RBFOX1: variants seen among roughly 807,000 people sequenced by gnomAD.
RBFOX1 encodes RNA binding fox-1 homolog 1, also known as RNA binding protein fox-1 homolog 1.
Under a neutral mutation model 57.7 loss-of-function variants are expected in RBFOX1, and 8 were observed. That is an observed-to-expected ratio of 0.14 (90% CI 0.08 to 0.25). RBFOX1 has a LOEUF of 0.25. RBFOX1 is among the 10% of genes least tolerant of loss of function. The pLI is 1.00. For synonymous variants in RBFOX1, 326 were observed against 222.4 expected (o/e 1.47, Z -4.15); for missense variants, 611 against 548.5 (o/e 1.11, Z -1.14).
chr16:6,842,273 T>A (rs190301092), intron 3 of RBFOX1, among the ~76,000 whole-genome samples: 3 of 152,154 alleles, frequency 2.0e-5, no homozygotes, highest in African/African-American at 7.2e-5. Context: ...TATATTTTTC[T>A]GTAAGGAAAT....
rs1178207549 is a variant in RBFOX1 at position 6,717,167 on chromosome 16, C to G, written c.-16+62517C>G. 3.9e-5 allele frequency among the ~76,000 whole-genome samples: 6 copies of G among 151,974 alleles called. 1 individual carries two copies. The South Asian group carries it at 1.0e-3, about 26-fold the overall frequency. ...TAAATGTGTGTTTAAGATGCACGGT[C>G]TATGGTATTGTGTTACAGCAACTCG... On this transcript the variant is annotated intron_variant, in intron 3 of 15. Coordinates refer to ENST00000550418, the MANE Select transcript of RBFOX1 (RefSeq NM_018723.4).
At chr16:6,711,452 C>T (rs571230194) in intron 3 of RBFOX1, among the ~76,000 whole-genome samples, 55 of 152,266 alleles carry the variant, frequency 3.6e-4, no homozygotes, top group East Asian at 3.9e-4. Context: ...GTAATCCCCA[C>T]GTGTCAAGGG....
intron 3 of RBFOX1, among the ~76,000 whole-genome samples, chr16:7,040,716 A>T (rs2045876180): frequency 6.6e-6 from 1 of 152,030 alleles, no homozygotes; most frequent in Non-Finnish European, 1.5e-5. Flanking sequence ...ACACAAATGG[A>T]TTATAGGTTA....
At chr16:5,438,592 C>T (rs940597718) in intron 1 of RBFOX1, among the ~76,000 whole-genome samples, 13 of 152,152 alleles carry the variant, frequency 8.5e-5, no homozygotes, top group Non-Finnish European at 1.5e-4. Context: ...GTTGCAGCCC[C>T]CTACTTGATT....
intron 3 of RBFOX1, among the ~76,000 whole-genome samples, chr16:5,717,466 C>T (rs571839802): frequency 2.0e-5 from 3 of 152,272 alleles, no homozygotes; most frequent in African/African-American, 7.2e-5. Context: ...AAGCAGTGTG[C>T]ACTGTATCCA....
rs149946369 is a variant in RBFOX1 at position 7,026,928 on chromosome 16, C to T, written c.-15-25129C>T. Reference sequence around the variant, plus strand: ...CGTAGGGTAATACCGGAGCTGGCGGCCTCCCAGGAAGGCTGCAAAGTGCTT... The same window carrying T: ...CGTAGGGTAATACCGGAGCTGGCGGTCTCCCAGGAAGGCTGCAAAGTGCTT... On this transcript the variant is annotated intron_variant, in intron 3 of 15. Transcript: ENST00000550418. 5.9e-3 allele frequency among the ~76,000 whole-genome samples: 900 copies of T among 152,258 alleles called. 11 individuals carry two copies. Among genetic ancestry groups the T allele is most frequent in the African/African-American group, 0.021 (860 of 41,556 alleles).
chr16:5,810,211 A>G (rs1211147963), intron 3 of RBFOX1, among the ~76,000 whole-genome samples: 1 of 151,826 alleles, frequency 6.6e-6, no homozygotes, highest in Non-Finnish European at 1.5e-5. Context: ...GCTTTAGGAG[A>G]TATACCTAAT....
At chr16:6,497,563 A>T (rs75377928) in intron 2 of RBFOX1, among the ~76,000 whole-genome samples, 3,685 of 15,132 alleles carry the variant, frequency 0.24, 66 homozygotes, top group Non-Finnish European at 0.37. Context: ...GAAGTTTTTA[A>T]AAAAAAAAAA....
intron 2 of RBFOX1, among the ~76,000 whole-genome samples, chr16:6,431,888 GCTTGCTTGCTTTCTTT>G (rs1342596749): frequency 2.3e-4 from 25 of 109,936 alleles, no homozygotes; most frequent in African/African-American, 6.3e-4. Context: ...AAATATGCTT[GCTTGCTTGCTTTCTTT>G]CTTTCTTTCT....
chr16:7,000,987 A>C (rs1032167458), intron 3 of RBFOX1, among the ~76,000 whole-genome samples: 1 of 152,170 alleles, frequency 6.6e-6, no homozygotes, highest in African/African-American at 2.4e-5. Context: ...AATTTTTATC[A>C]GTCACTAGCA....
chr16:6,903,719 G>T (rs1274201922), intron 3 of RBFOX1, among the ~76,000 whole-genome samples: 1 of 152,122 alleles, frequency 6.6e-6, no homozygotes. Flanking sequence ...GCAAGCACTG[G>T]GAGGGACTAA....
At chr16:7,287,860 C>G (rs775464198) in intron 4 of RBFOX1, among the ~76,000 whole-genome samples, 1 of 152,124 alleles carries the variant, frequency 6.6e-6, no homozygotes, top group African/African-American at 2.4e-5. Context: ...CTTCCCCCAC[C>G]CATTTCGTGT....
At chr16:6,309,407 C>G (rs933244054) in intron 1 of RBFOX1, among the ~76,000 whole-genome samples, 17 of 152,114 alleles carry the variant, frequency 1.1e-4, no homozygotes, top group Non-Finnish European at 2.9e-5. Context: ...ATTAAAAGAT[C>G]CGGCGCGGCC....
chr16:7,643,882 T>A (rs1351364420), intron 11 of RBFOX1, among the ~76,000 whole-genome samples: 1 of 152,150 alleles, frequency 6.6e-6, no homozygotes, highest in African/African-American at 2.4e-5. Context: ...GACCCTCTAA[T>A]GTCTCCCCTA....
chr16:7,058,753 A>ATTGGTT (rs983493024), intron 4 of RBFOX1, among the ~76,000 whole-genome samples: 1 of 152,106 alleles, frequency 6.6e-6, no homozygotes, highest in African/African-American at 2.4e-5. Flanking sequence ...GACTGTTGAT[A>ATTGGTT]TTGGTTTTTC....
At chr16:7,413,169 T>C (rs1442311204) in intron 4 of RBFOX1, among the ~76,000 whole-genome samples, 1 of 152,134 alleles carries the variant, frequency 6.6e-6, no homozygotes, top group East Asian at 1.9e-4. Flanking sequence ...CTGATGACAA[T>C]TCCTTTCATA....
intron 4 of RBFOX1, among the ~76,000 whole-genome samples, chr16:7,211,447 A>C (rs538721138): frequency 2.0e-4 from 30 of 151,256 alleles, no homozygotes; most frequent in Admixed American, 4.6e-4. Flanking sequence ...ACGTTTATCC[A>C]GTGGGCTGGT....
At chr16:7,000,022 A>C (rs1376327161) in intron 3 of RBFOX1, among the ~76,000 whole-genome samples, 2 of 151,730 alleles carry the variant, frequency 1.3e-5, no homozygotes, top group African/African-American at 4.8e-5. Flanking sequence ...CAGTGAGCCA[A>C]GATCACACCA....
chr16:7,447,014 A>G (rs1222506273), intron 4 of RBFOX1, among the ~76,000 whole-genome samples: 1 of 151,384 alleles, frequency 6.6e-6, no homozygotes, highest in Non-Finnish European at 1.5e-5. Flanking sequence ...GGGTTTCACC[A>G]TGTTAGCCAG....
Sources: allele counts gnomAD v4.1 joint callset (sites outside exome capture counted in the v4.1 genomes callset), GRCh38; gene constraint gnomAD v4.1.1; transcripts MANE v1.5; gene names NCBI Gene and HGNC (gene_info 2026-07-23, HGNC 2026-07-21).